PIEZO1: variants seen among roughly 807,000 people sequenced by gnomAD.
PIEZO1 encodes the protein piezo type mechanosensitive ion channel component 1 (Er blood group), also known as piezo-type mechanosensitive ion channel component 1.
A neutral mutation model predicts 297.2 loss-of-function variants in PIEZO1; 296 were observed. The observed-to-expected ratio is 1.00, with a 90% confidence interval of 0.91 to 1.10. The LOEUF (loss-of-function observed/expected upper bound fraction) is 1.10, where lower values mean the gene tolerates loss of function less well. Ranked by LOEUF, PIEZO1 falls within the 50% of genes least tolerant of loss-of-function variation. The pLI is 0.00. For missense variants in PIEZO1, 5,018 were observed against 3,455.5 expected (o/e 1.45, Z -11.34); for synonymous variants, 2,427 against 1,507.5 (o/e 1.61, Z -14.13).
chr16:88,732,225 G>C (rs1052659172), intron 21 of PIEZO1, 110 bp downstream of exon 21: 1 of 935,720 alleles, frequency 1.1e-6, no homozygotes, highest in South Asian at 1.6e-5. Context: ...ACCCTCTGTG[G>C]CCCAGGCAAA....
In PIEZO1 at chr16:88,764,028, G is replaced by A. The variant is rs557200474; in HGVS notation, c.65-14549C>T. On this transcript the variant is annotated intron_variant, in intron 1 of 50. Coordinates refer to ENST00000301015, the MANE Select transcript of PIEZO1 (RefSeq NM_001142864.4). ...CAGCCTCCTGGGGGCCAAAGTGCACGATGAGCCACAGTTAGCACCAGATGC... is the reference window on the plus strand; with the variant it reads ...CAGCCTCCTGGGGGCCAAAGTGCACAATGAGCCACAGTTAGCACCAGATGC... 1.3e-4 allele frequency among the ~76,000 whole-genome samples: 20 copies of A among 152,256 alleles called. No homozygotes were observed. The East Asian group carries it at 3.3e-3, about 25-fold the overall frequency.
chr16:88,724,631 T>C (rs781755228), intron 30 of PIEZO1, among the ~76,000 whole-genome samples: 2 of 151,048 alleles, frequency 1.3e-5, no homozygotes, highest in South Asian at 2.1e-4. Context: ...GAGGTAGAGA[T>C]TGCAGTGAGC....
rs1025865524 is a variant in PIEZO1 at position 88,737,396 on chromosome 16, G to A, written c.1195+163C>T. 7.0e-5 allele frequency: 41 copies of A among 581,818 alleles called. 1 individual carries two copies. The highest frequency in any genetic ancestry group is 6.8e-4 in the South Asian group (33 of 48,700). The allele number at this position is 581,818 out of a possible 1,614,324, so 36.0% of individuals were successfully genotyped here. The stretch of plus-strand genomic sequence containing the variant: ...GCCACTCGGCTGCCCTGGGGGTCTC[G>A]GGGGTCACTGACACCGACCCGTGGA... On this transcript the variant is annotated intron_variant, in intron 10 of 50. Coordinates refer to ENST00000301015, the MANE Select transcript of PIEZO1 (RefSeq NM_001142864.4).
chr16:88,718,093 G>A (rs1201822498), intron 44 of PIEZO1: 8 of 226,052 alleles, frequency 3.5e-5, no homozygotes, highest in Admixed American at 2.7e-4. Flanking sequence ...AAACTATGGA[G>A]AAAGGATTTG....
At chr16:88,735,958 T>G (rs1054339862) in intron 12 of PIEZO1, among the ~76,000 whole-genome samples, 190 bp downstream of exon 12, 1 of 152,236 alleles carries the variant, frequency 6.6e-6, no homozygotes, top group African/African-American at 2.4e-5. Flanking sequence ...CAAGGTTGTC[T>G]GTTTATTCAG....
chr16:88,733,660 G>C lies in PIEZO1; in HGVS notation c.2415C>G (p.Phe805Leu). 6.5e-7 allele frequency: 1 copy of C among 1,549,812 alleles called. No individual in the cohort carries two copies. The change falls in exon 18 of 51, where the codon TTC (phenylalanine) becomes TTG (leucine). Residue 805 changes from phenylalanine to leucine, a missense_variant. By Grantham distance (22) the Phe-to-Leu change is conservative. Transcript: ENST00000301015. Reference protein sequence around the residue: ...FSDVLSRVQVFLRRLLELHVF... With the variant: ...FSDVLSRVQVLLRRLLELHVF... ...CGTGAAGCTCCAGCAGCCGCCGCAG[G>C]AACACCTGCACGCGTGAGAGGACGT...
At position 88,723,989 on chromosome 16, in the gene PIEZO1, T is replaced by A; in HGVS notation, c.4235-18A>T. The A allele has an allele frequency of 6.9e-7, 1 of 1,444,650 alleles. No individual in the cohort carries two copies. The highest frequency in any genetic ancestry group is 9.5e-7 in the Non-Finnish European group (1 of 1,050,786). 89.5% of individuals were successfully genotyped at this position (1,444,650 alleles called of 1,614,324 possible). A position where few individuals can be genotyped will look rare whatever the true frequency, so the allele number is the denominator to read the frequency against. ...GTGGATGACTGTGGGCAGGCAGCAC[T>A]GAGAGCCAGCCTTCCATGCAGGGAG... is the stretch of plus-strand genomic sequence containing the variant. On this transcript the variant is annotated intron_variant, in intron 30 of 50. Transcript: ENST00000301015.
chr16:88,732,451 C>A lies in PIEZO1; in HGVS notation c.2875G>T (p.Ala959Ser). 1 of 1,549,532 alleles carries A rather than the reference C, an allele frequency of 6.5e-7. No individual in the cohort carries two copies. Among genetic ancestry groups the A allele is most frequent in the South Asian group, 1.2e-5 (1 of 84,026 alleles). Residue 959 changes from alanine (A) to serine (S), a missense_variant, in exon 21 of 51, where the codon GCC (alanine) becomes TCC (serine). Transcript: ENST00000301015. ...QEHYRRQHQL[A>S]PLPAQAVFAS... is the part of the protein sequence containing the mutation. The stretch of plus-strand genomic sequence containing the variant: ...AACACGGCCTGGGCAGGCAGCGGGG[C>A]CAGCTGGTGCTGCCGGCGGTAGTGC...
intron 1 of PIEZO1, among the ~76,000 whole-genome samples, chr16:88,769,549 C>T (rs1907327979): frequency 6.6e-6 from 1 of 152,232 alleles, no homozygotes; most frequent in South Asian, 2.1e-4. Context: ...GGTCCCGCCT[C>T]CTCTCCTACC....
At chr16:88,781,534 G>C (rs1040434778) in intron 1 of PIEZO1, among the ~76,000 whole-genome samples, 1 of 152,262 alleles carries the variant, frequency 6.6e-6, no homozygotes, top group African/African-American at 2.4e-5. Flanking sequence ...TGGGGACAGA[G>C]TGCGCCCCTC....
intron 2 of PIEZO1, 103 bp from the exon 3 acceptor site, chr16:88,742,525 G>C: frequency 1.6e-6 from 2 of 1,252,392 alleles, no homozygotes; most frequent in Non-Finnish European, 1.1e-6. Flanking sequence ...AGAGCCCAGA[G>C]GCCTGAGATG....
At chr16:88,734,150 G>A (rs1567672278) in intron 16 of PIEZO1, 96 bp from the exon 17 acceptor site, 1 of 1,399,414 alleles carries the variant, frequency 7.1e-7, no homozygotes, top group Admixed American at 2.6e-5. Context: ...TTCTGCTGCA[G>A]CTGCCAGTTC....
chr16:88,775,323 G>A (rs1004537279), intron 1 of PIEZO1, among the ~76,000 whole-genome samples: 1 of 152,244 alleles, frequency 6.6e-6, no homozygotes, highest in African/African-American at 2.4e-5. Flanking sequence ...AACACAGGCT[G>A]AATGCCATGG....
chr16:88,735,676 C>G (rs1316124551), intron 12 of PIEZO1, among the ~76,000 whole-genome samples: 1 of 152,270 alleles, frequency 6.6e-6, no homozygotes. Flanking sequence ...AAACAGGTGT[C>G]CAGACACGAT....
chr16:88,770,266 A>C (rs996539304), intron 1 of PIEZO1, among the ~76,000 whole-genome samples: 1 of 151,438 alleles, frequency 6.6e-6, no homozygotes, highest in South Asian at 2.1e-4. Flanking sequence ...TATCCCCGAG[A>C]CCTCTCAGCC....
intron 10 of PIEZO1, 160 bp downstream of exon 10, chr16:88,737,399 G>T (rs1285676657): frequency 1.7e-6 from 1 of 585,450 alleles, no homozygotes; most frequent in Non-Finnish European, 3.0e-6. Context: ...GGGTCTCGGG[G>T]GTCACTGACA....
At chr16:88,775,570 A>C (rs777290223) in intron 1 of PIEZO1, among the ~76,000 whole-genome samples, 6 of 152,058 alleles carry the variant, frequency 3.9e-5, no homozygotes, top group Non-Finnish European at 7.4e-5. Flanking sequence ...CTCCACTAAC[A>C]ATACAAAAAT....
intron 19 of PIEZO1, 36 bp downstream of exon 19, chr16:88,733,242 G>A: frequency 6.6e-7 from 1 of 1,524,142 alleles, no homozygotes; most frequent in Non-Finnish European, 8.9e-7. Context: ...GAGTTGCCTG[G>A]AGCTTCCTCC....
Position 88,742,082 on chromosome 16 carries a change from C to T in PIEZO1, c.297G>A (p.Glu99=), listed in dbSNP as rs1043036067. ...QLLGPSCSRW[E]TLSRHIGVTR... ...TGACCCCTATGTGTCGCGAGAGGGTCTCCCAGCGGCTGCCTGCAGAGAAAG... is the reference window on the plus strand; with the variant it reads ...TGACCCCTATGTGTCGCGAGAGGGTTTCCCAGCGGCTGCCTGCAGAGAAAG... The change falls in exon 4 of 51, where the codon GAG becomes GAA. Residue 99 remains glutamate, a synonymous_variant. Coordinates refer to ENST00000301015, the MANE Select transcript of PIEZO1 (RefSeq NM_001142864.4). 1 of 1,536,024 alleles carries T rather than the reference C, an allele frequency of 6.5e-7. No individual in the cohort carries two copies.
Sources: gnomAD v4.1 joint callset for allele counts (sites outside exome capture counted in the v4.1 genomes callset) on GRCh38, gnomAD v4.1.1 for gene constraint, MANE v1.5 for transcripts, NCBI Gene and HGNC (gene_info 2026-07-23, HGNC 2026-07-21) for gene names.